DSCAM: variants seen among roughly 807,000 people sequenced by gnomAD.
DSCAM encodes the protein DS cell adhesion molecule.
DSCAM carries 47 observed loss-of-function variants against 217.7 expected under a neutral mutation model. The observed-to-expected ratio is 0.22, with a 90% CI of 0.17 to 0.28. The LOEUF (loss-of-function observed/expected upper bound fraction) is 0.28. Among genes scored for constraint, DSCAM ranks in the 10% least tolerant of loss-of-function variants. The pLI, the probability that DSCAM is intolerant of heterozygous loss-of-function variation, is 1.00. For missense variants in DSCAM, 2,080 were observed against 2,618.3 expected (o/e 0.79, Z 4.49); for synonymous variants, 1,056 against 1,015.3 (o/e 1.04, Z -0.76).
chr21:40,631,014 A>G (rs571376971), intron 3 of DSCAM, among the ~76,000 whole-genome samples: 9 of 152,314 alleles, frequency 5.9e-5, no homozygotes, highest in Non-Finnish European at 1.0e-4. Context: ...CATTTTATAA[A>G]TTAGATAACA....
At chr21:40,630,832 G>A (rs925250130) in intron 3 of DSCAM, 1 of 152,106 alleles carries the variant, frequency 6.6e-6, no homozygotes, top group African/African-American at 2.4e-5. Flanking sequence ...ACCCAAAGGT[G>A]GACAGATCAT....
At chr21:40,362,544 T>C (rs2074779113) in intron 4 of DSCAM, among the ~76,000 whole-genome samples, 1 of 152,256 alleles carries the variant, frequency 6.6e-6, no homozygotes, top group Non-Finnish European at 1.5e-5. Flanking sequence ...AAAATTTATC[T>C]GAGCTATTTT....
chr21:40,508,191 A>T (rs1490667969), intron 3 of DSCAM, among the ~76,000 whole-genome samples: 1 of 152,200 alleles, frequency 6.6e-6, no homozygotes, highest in Non-Finnish European at 1.5e-5. Context: ...GGAAGAAACC[A>T]TGAACTGTGA....
intron 11 of DSCAM, among the ~76,000 whole-genome samples, chr21:40,261,517 G>A (rs1177262911): frequency 6.6e-6 from 1 of 152,098 alleles, no homozygotes; most frequent in Non-Finnish European, 1.5e-5. Context: ...GACTTCGAGT[G>A]AAACATTGGC....
chr21:40,541,270 C>T (rs1368607735), intron 3 of DSCAM, among the ~76,000 whole-genome samples: 1 of 152,094 alleles, frequency 6.6e-6, no homozygotes, highest in Non-Finnish European at 1.5e-5. Context: ...TATTTCAATA[C>T]TTATTTTATG....
Position 40,036,919 on chromosome 21 carries a change from A to G in DSCAM, c.5686+5452T>C, listed in dbSNP as rs890969719. Among the ~76,000 whole-genome samples, 13 of 150,680 alleles carry G rather than the reference A, an allele frequency of 8.6e-5. 1 individual carries two copies. Among genetic ancestry groups the G allele is most frequent in the Admixed American group, 1.3e-4 (2 of 15,232 alleles). ...AAACAGAGCCAAAGACAAAAACCAC[A>G]TGATTATCTGCATAGATGCAGAAAG... On this transcript the variant is annotated intron_variant, in intron 32 of 32. Coordinates refer to ENST00000400454, the MANE Select transcript of DSCAM (RefSeq NM_001389.5).
intron 3 of DSCAM, among the ~76,000 whole-genome samples, chr21:40,433,207 A>C (rs373872598): frequency 1.3e-5 from 2 of 152,024 alleles, no homozygotes; most frequent in South Asian, 2.1e-4. Context: ...AAATACAAAA[A>C]ATTAGCCGGG....
chr21:40,420,482 AC>A (rs879448145), intron 3 of DSCAM, among the ~76,000 whole-genome samples: 2 of 152,180 alleles, frequency 1.3e-5, no homozygotes, highest in Non-Finnish European at 2.9e-5. Context: ...ATCAAGTCAA[AC>A]TTTATGGAGC....
chr21:40,389,809 A>G (rs2075117913), intron 3 of DSCAM, among the ~76,000 whole-genome samples: 1 of 152,226 alleles, frequency 6.6e-6, no homozygotes, highest in Non-Finnish European at 1.5e-5. Context: ...GTGTTCATGC[A>G]TCAAGGAAGA....
chr21:40,242,293 T>C (rs1423852549), intron 11 of DSCAM, among the ~76,000 whole-genome samples: 12 of 152,332 alleles, frequency 7.9e-5, no homozygotes, highest in Admixed American at 2.6e-4. Flanking sequence ...GTGCTGTCTG[T>C]CACATGTTTC....
chr21:40,548,472 T>G (rs2076602081), intron 3 of DSCAM, among the ~76,000 whole-genome samples: 1 of 150,802 alleles, frequency 6.6e-6, no homozygotes, highest in Admixed American at 6.6e-5. Context: ...CAATCCTGGA[T>G]GTAATTAATC....
intron 3 of DSCAM, among the ~76,000 whole-genome samples, chr21:40,473,912 T>C (rs1245832988): frequency 1.3e-5 from 2 of 152,162 alleles, no homozygotes; most frequent in African/African-American, 4.8e-5. Context: ...TCCAAAACTA[T>C]GAGAAAACAA....
chr21:40,527,562 T>C (rs1187644456), intron 3 of DSCAM, among the ~76,000 whole-genome samples: 1 of 152,204 alleles, frequency 6.6e-6, no homozygotes, highest in Non-Finnish European at 1.5e-5. Flanking sequence ...GACAGGCAGC[T>C]GCTCATAAAC....
At chr21:40,710,212 A>G (rs895481239) in intron 1 of DSCAM, among the ~76,000 whole-genome samples, 2 of 152,054 alleles carry the variant, frequency 1.3e-5, no homozygotes, top group African/African-American at 4.8e-5. Context: ...AGTTCTTTGT[A>G]GAGTAAAGCA....
chr21:40,590,062 A>G (rs2076973093), intron 3 of DSCAM, among the ~76,000 whole-genome samples: 2 of 152,230 alleles, frequency 1.3e-5, no homozygotes, highest in East Asian at 1.9e-4. Context: ...ATTAGTAGGC[A>G]GTTTCCGTCA....
At chr21:40,579,828 A>G (rs1042960720) in intron 3 of DSCAM, among the ~76,000 whole-genome samples, 1 of 41,048 alleles carries the variant, frequency 2.4e-5, no homozygotes, top group Non-Finnish European at 5.8e-5. Flanking sequence ...GACCTTCACC[A>G]CAAAAAAAAG....
intron 3 of DSCAM, chr21:40,630,792 G>A (rs1188600784): frequency 3.3e-5 from 5 of 152,200 alleles, no homozygotes; most frequent in African/African-American, 1.2e-4. Context: ...AAACGCTGGA[G>A]AGAGTCTCAG....
intron 3 of DSCAM, among the ~76,000 whole-genome samples, chr21:40,402,945 G>A (rs2075249991): frequency 6.6e-6 from 1 of 150,974 alleles, no homozygotes; most frequent in East Asian, 1.9e-4. Flanking sequence ...TAACACAATT[G>A]AGAAAATTTG....
chr21:40,188,752 G>A (rs909792187), intron 12 of DSCAM, among the ~76,000 whole-genome samples: 1 of 151,064 alleles, frequency 6.6e-6, no homozygotes, highest in Non-Finnish European at 1.5e-5. Flanking sequence ...CATTCCTGAA[G>A]GATTAACTGT....
Sources: allele counts gnomAD v4.1 joint callset (sites outside exome capture counted in the v4.1 genomes callset), GRCh38; gene constraint gnomAD v4.1.1; transcripts MANE v1.5; gene names NCBI Gene and HGNC (gene_info 2026-07-23, HGNC 2026-07-21).